The following NF1 variants were observed in gnomAD, a reference collection of about 807,000 sequenced individuals.
NF1 encodes neurofibromin.
NF1 carries 122 observed loss-of-function variants against 325.7 expected under a neutral mutation model. The observed-to-expected ratio is 0.37, with a 90% confidence interval of 0.32 to 0.44. NF1 has a LOEUF of 0.44. Ranked by LOEUF, NF1 falls within the 20% of genes least tolerant of loss-of-function variation. The pLI, the probability that NF1 is intolerant of heterozygous loss-of-function variation, is 1.00. For missense variants in NF1, 2,140 were observed against 3,415.4 expected, an observed-to-expected ratio of 0.63 and a Z score of 9.31; for synonymous variants, 1,091 against 1,186.0, an observed-to-expected ratio of 0.92 and a Z score of 1.65.
In NF1 at chr17:31,335,077, A is replaced by G. The variant is rs770648677; in HGVS notation, c.6006+46A>G. 4.6e-6 allele frequency: 7 copies of G among 1,516,848 alleles called. No homozygotes were observed. In the Admixed American group the frequency reaches 5.1e-5, roughly 11 times the overall value. 94.0% of individuals were successfully genotyped at this position (1,516,848 alleles called of 1,614,324 possible). On this transcript the variant is annotated intron_variant, in intron 40 of 57. Transcript: ENST00000358273. ...TTTATCTAGTATCTCCTTTGTGCAC[A>G]TATTTATCTGGTGCCACATTGGGCA...
chr17:31,218,976 T>TA (rs1555612797), intron 13 of NF1, 29 bp from the exon 14 acceptor site: 10 of 1,578,468 alleles, frequency 6.3e-6, no homozygotes, highest in African/African-American at 5.4e-5. Context: ...TTTATTTTTT[T>TA]AATTGAAGTT....
intron 3 of NF1, among the ~76,000 whole-genome samples, chr17:31,161,774 G>A (rs1467249693): frequency 1.3e-5 from 2 of 152,076 alleles, no homozygotes; most frequent in East Asian, 1.9e-4. Context: ...CATGGCTCAC[G>A]CCTGGAATCC....
chr17:31,229,986 A>T lies in NF1; in HGVS notation c.2990+12A>T, dbSNP rs543543885. On this transcript the variant is annotated intron_variant, in intron 22 of 57. Transcript: ENST00000358273. ...TTAAATCTGGTCAGGTAAGCATTCT[A>T]CTGAAATGTAGCAGAAACATTTTAA... is the stretch of plus-strand genomic sequence containing the variant. 1 of 1,611,668 alleles carries T rather than the reference A, an allele frequency of 6.2e-7. No homozygotes were observed. Among genetic ancestry groups the T allele is most frequent in the East Asian group, 2.2e-5 (1 of 44,856 alleles).
At position 31,129,698 on chromosome 17, in the gene NF1, A is replaced by G. The variant is rs190098671; in HGVS notation, c.61-26285A>G. Among the ~76,000 whole-genome samples the G allele has an allele frequency of 3.5e-3, 539 of 152,074 alleles. 5 individuals carry two copies. The highest frequency in any genetic ancestry group is 0.012 in the African/African-American group (513 of 41,476). Reference sequence around the variant, plus strand: ...CCTGTCTTGGCCTCCCAAAATGTTGAGATTACAGGTGTGAGCCACTGCGCC... The same window carrying G: ...CCTGTCTTGGCCTCCCAAAATGTTGGGATTACAGGTGTGAGCCACTGCGCC... On this transcript the variant is annotated intron_variant, in intron 1 of 57. Transcript: ENST00000358273.
intron 36 of NF1, among the ~76,000 whole-genome samples, chr17:31,276,365 T>G (rs1334946250): frequency 6.6e-6 from 1 of 152,158 alleles, no homozygotes; most frequent in African/African-American, 2.4e-5. Context: ...AGCATAAATT[T>G]GGAAGGCACA....
chr17:31,125,708 G>C (rs1392548356), intron 1 of NF1, among the ~76,000 whole-genome samples: 1 of 151,876 alleles, frequency 6.6e-6, no homozygotes, highest in African/African-American at 2.4e-5. Flanking sequence ...GCTAATTTTT[G>C]TATTTTTATT....
intron 1 of NF1, among the ~76,000 whole-genome samples, chr17:31,150,477 G>T (rs981943094): frequency 7.2e-5 from 11 of 151,946 alleles, no homozygotes; most frequent in African/African-American, 2.7e-4. Flanking sequence ...GGGGTGGAGG[G>T]GTATTATGTG....
intron 4 of NF1, among the ~76,000 whole-genome samples, chr17:31,165,088 T>C (rs1372103543): frequency 6.6e-6 from 1 of 152,156 alleles, no homozygotes; most frequent in Non-Finnish European, 1.5e-5. Context: ...AAAACCCAAA[T>C]GTCTTGTAGT....
intron 54 of NF1, 34 bp downstream of exon 54, chr17:31,357,403 G>C (rs768842008): frequency 6.5e-7 from 1 of 1,533,940 alleles, no homozygotes; most frequent in Non-Finnish European, 9.0e-7. Flanking sequence ...ATTCACCTTC[G>C]TGCCTGTCTT....
intron 1 of NF1, chr17:31,136,456 T>C (rs1415299728): frequency 1.3e-5 from 2 of 152,032 alleles, no homozygotes; most frequent in Non-Finnish European, 2.9e-5. Flanking sequence ...AAATGTTAAA[T>C]GGAAAATTCC....
rs1060503895 is a variant in NF1, at chr17:31,095,376, G to C, written c.60+7G>C. On this transcript the variant is annotated splice_region_variant and intron_variant, in intron 1 of 57. Transcript: ENST00000358273. The stretch of plus-strand genomic sequence containing the variant: ...CAGCCGCTTCGACGAGCAGGTAACC[G>C]GCCCGTGGCGGGCGGGAGGTGGGAG... 9 of 1,539,068 alleles carry C rather than the reference G, an allele frequency of 5.8e-6. No individual in the cohort carries two copies. Among genetic ancestry groups the C allele is most frequent in the Non-Finnish European group, 7.9e-6 (9 of 1,146,296 alleles).
chr17:31,287,909 C>T (rs2068267241), intron 36 of NF1, among the ~76,000 whole-genome samples: 1 of 123,586 alleles, frequency 8.1e-6, no homozygotes. Context: ...GGAAGGGGAA[C>T]ATCACACTCT....
intron 35 of NF1, 147 bp downstream of exon 35, chr17:31,262,004 A>G: frequency 8.9e-6 from 6 of 674,282 alleles, no homozygotes; most frequent in South Asian, 5.8e-5. Flanking sequence ...ATCCAACTAT[A>G]TATTATTTAT....
chr17:31,244,136 G>A lies in NF1; in HGVS notation c.3975-4848G>A, dbSNP rs116800291. 3.2e-3 allele frequency among the ~76,000 whole-genome samples: 485 copies of A among 152,238 alleles called. 2 individuals carry two copies. The highest frequency in any genetic ancestry group is 0.011 in the African/African-American group (468 of 41,548). ...CTGTGAGGTAGGGCCTGAAATGGGGGCCTCAGGACTCTGCCTGGTGCCCTC... is the reference window on the plus strand; with the variant it reads ...CTGTGAGGTAGGGCCTGAAATGGGGACCTCAGGACTCTGCCTGGTGCCCTC... On this transcript the variant is annotated intron_variant, in intron 29 of 57. Coordinates refer to ENST00000358273, the MANE Select transcript of NF1 (RefSeq NM_001042492.3).
In NF1 at chr17:31,200,404, T is replaced by G; in HGVS notation, c.889-18T>G. ...GAAACTTCATATATTATCTTATCGC[T>G]ATATTTGAATTCTGTAGAAGTTATT... On this transcript the variant is annotated intron_variant, in intron 8 of 57. Coordinates refer to ENST00000358273, the MANE Select transcript of NF1 (RefSeq NM_001042492.3). 6.2e-7 allele frequency: 1 copy of G among 1,612,518 alleles called. No homozygotes were observed. Among genetic ancestry groups the G allele is most frequent in the Non-Finnish European group, 8.5e-7 (1 of 1,178,652 alleles).
At chr17:31,115,646 G>A (rs56045949) in intron 1 of NF1, among the ~76,000 whole-genome samples, 114 of 152,326 alleles carry the variant, frequency 7.5e-4, no homozygotes, top group Middle Eastern at 3.4e-3. Context: ...GATGGAGTAT[G>A]TGGTAAGACC....
At position 31,181,673 on chromosome 17, in the gene NF1, A is replaced by C. The variant is rs375655707; in HGVS notation, c.655-37A>C. 319 of 1,488,604 alleles carry C rather than the reference A, an allele frequency of 2.1e-4. No homozygotes were observed. The highest frequency in any genetic ancestry group is 2.7e-4 in the Non-Finnish European group (289 of 1,065,818). The allele number at this position is 1,488,604 out of a possible 1,614,324, so 92.2% of individuals were successfully genotyped here. On this transcript the variant is annotated intron_variant, in intron 6 of 57. Transcript: ENST00000358273. ...TGACATTTTATTTACTGTATTACAA[A>C]AAATCACTGTAAAGACATGTGGTTC...
At chr17:31,267,345 C>T (rs952662550) in intron 36 of NF1, among the ~76,000 whole-genome samples, 3 of 152,142 alleles carry the variant, frequency 2.0e-5, no homozygotes, top group Admixed American at 6.6e-5. Flanking sequence ...GTTTTGTGAC[C>T]TATAAAGTTG....
intron 36 of NF1, among the ~76,000 whole-genome samples, chr17:31,279,589 TAAA>T (rs774250064): frequency 3.7e-5 from 5 of 135,974 alleles, no homozygotes; most frequent in Non-Finnish European, 4.8e-5. Flanking sequence ...CCAGCCTCTT[TAAA>T]AAAAAAAAAA....
Sources: allele counts gnomAD v4.1 joint callset (sites outside exome capture counted in the v4.1 genomes callset), GRCh38; gene constraint gnomAD v4.1.1; transcripts MANE v1.5; gene names NCBI Gene and HGNC (gene_info 2026-07-23, HGNC 2026-07-21).